The following HP1BP3 variants were observed in gnomAD, a reference collection of about 807,000 sequenced individuals.
The protein encoded by HP1BP3 is heterochromatin protein 1-binding protein 3.
HP1BP3 carries 12 observed loss-of-function variants against 62.5 expected under a neutral mutation model. The ratio of observed to expected loss-of-function variants is 0.19; its 90% CI spans 0.12 to 0.31. HP1BP3 has a LOEUF of 0.31. Among genes scored for constraint, HP1BP3 ranks in the 10% least tolerant of loss-of-function variants. The probability of loss-of-function intolerance (pLI) is 1.00; values close to 1 mark genes in which losing one functional copy is unlikely to be tolerated. For missense variants in HP1BP3, 502 were observed against 651.8 expected (o/e 0.77, Z 2.50); for synonymous variants, 260 against 237.8 (o/e 1.09, Z -0.86).
chr1:20,763,995 A>C (rs2056629913), intron 8 of HP1BP3, among the ~76,000 whole-genome samples: 1 of 152,058 alleles, frequency 6.6e-6, no homozygotes, highest in Non-Finnish European at 1.5e-5. Context: ...CCCAGCCTAA[A>C]AGTACATTTT....
rs1430009280 is a variant in HP1BP3, at chr1:20,771,026, G to A, written c.558C>T (p.Tyr186=). Residue 186 remains tyrosine, a synonymous_variant, in exon 6 of 13, where the codon TAC becomes TAT. Transcript: ENST00000438032. ...CCAGAGAAGGATACTTATGGATGAT[G>A]TATTTTCGAATAGCAACCACTGATG... ...SGASVVAIRK[Y]IIHKYPSLEL... 1.2e-6 allele frequency: 2 copies of A among 1,610,216 alleles called. No individual in the cohort carries two copies. The highest frequency in any genetic ancestry group is 8.5e-7 in the Non-Finnish European group (1 of 1,178,096).
intron 4 of HP1BP3, 80 bp from the exon 5 acceptor site, chr1:20,773,690 G>A (rs2057164034): frequency 1.0e-6 from 1 of 978,452 alleles, no homozygotes; most frequent in African/African-American, 1.7e-5. Flanking sequence ...AAAGACCAGG[G>A]AGGGATAAAA....
intron 3 of HP1BP3, among the ~76,000 whole-genome samples, chr1:20,777,863 C>CT (rs1280584138): frequency 6.6e-6 from 1 of 152,238 alleles, no homozygotes; most frequent in Non-Finnish European, 1.5e-5. Context: ...TTGGAATTCT[C>CT]TGCTTCTAGA....
At chr1:20,781,298 G>A (rs1041087953) in intron 1 of HP1BP3, among the ~76,000 whole-genome samples, 5 of 151,892 alleles carry the variant, frequency 3.3e-5, no homozygotes, top group African/African-American at 9.7e-5. Flanking sequence ...TAAGTATCTA[G>A]ATCTCTGTGC....
chr1:20,765,834 C>T lies in HP1BP3; in HGVS notation c.736-303G>A, dbSNP rs139912598. Among the ~76,000 whole-genome samples, 6 of 151,718 alleles carry T rather than the reference C, an allele frequency of 4.0e-5. No homozygotes were observed. In the East Asian group the frequency reaches 1.2e-3, roughly 29 times the overall value. On this transcript the variant is annotated intron_variant, in intron 7 of 12. Transcript: ENST00000438032. ...AAAAATACAAAAATTAGCCAGACGT[C>T]GTAGCCTGTAATCCCAGATACTTGG... is the stretch of plus-strand genomic sequence containing the variant.
At chr1:20,770,370 G>A (rs2057002010) in intron 6 of HP1BP3, among the ~76,000 whole-genome samples, 1 of 152,166 alleles carries the variant, frequency 6.6e-6, no homozygotes, top group African/African-American at 2.4e-5. Flanking sequence ...ACCGAGGCTG[G>A]AGTGGTGAGA....
At chr1:20,748,543 G>C (rs1026811368) in intron 10 of HP1BP3, among the ~76,000 whole-genome samples, 2 of 152,208 alleles carry the variant, frequency 1.3e-5, no homozygotes, top group Non-Finnish European at 2.9e-5. Flanking sequence ...TAAGGAGATT[G>C]AGATCATCTT....
At chr1:20,758,204 T>C (rs1289209661) in intron 8 of HP1BP3, among the ~76,000 whole-genome samples, 3 of 152,156 alleles carry the variant, frequency 2.0e-5, no homozygotes, top group African/African-American at 7.2e-5. Flanking sequence ...TAGAATCCTA[T>C]TTAGCATGCT....
At chr1:20,747,507 TA>T (rs1557634826) in intron 11 of HP1BP3, 36 bp downstream of exon 11, 12 of 1,271,190 alleles carry the variant, frequency 9.4e-6, no homozygotes, top group East Asian at 2.3e-5. Context: ...ACTTAGACTA[TA>T]AATTTACAGT....
chr1:20,785,936 G>A (rs541877846), intron 1 of HP1BP3, among the ~76,000 whole-genome samples: 2 of 152,284 alleles, frequency 1.3e-5, no homozygotes, highest in South Asian at 2.1e-4. Context: ...TTCACTCTAA[G>A]ACAAGACAGC....
At chr1:20,750,264 T>TTAAG (rs1249276763) in intron 9 of HP1BP3, 1 of 138,456 alleles carries the variant, frequency 7.2e-6, no homozygotes, top group Non-Finnish European at 1.6e-5. Flanking sequence ...GGCAGATCAC[T>TTAAG]TAAGGCCAGG....
intron 11 of HP1BP3, 33 bp downstream of exon 11, chr1:20,747,510 AT>A (rs773770026): frequency 1.6e-6 from 2 of 1,286,900 alleles, no homozygotes; most frequent in South Asian, 1.3e-5. Context: ...TAGACTATAA[AT>A]TTACAGTGAT....
chr1:20,776,891 T>A, intron 3 of HP1BP3, 141 bp from the exon 4 acceptor site: 1 of 632,136 alleles, frequency 1.6e-6, no homozygotes, highest in Non-Finnish European at 2.5e-6. Flanking sequence ...GAATGACCAC[T>A]AATGCAGTTT....
chr1:20,770,522 C>T (rs2057009779), intron 6 of HP1BP3, among the ~76,000 whole-genome samples: 1 of 151,990 alleles, frequency 6.6e-6, no homozygotes. Flanking sequence ...GCTATGTTGC[C>T]CAGGCTGGTC....
At chr1:20,783,023 G>T (rs1349794835) in intron 1 of HP1BP3, among the ~76,000 whole-genome samples, 1 of 123,286 alleles carries the variant, frequency 8.1e-6, no homozygotes, top group African/African-American at 3.1e-5. Context: ...GAGATGGGAG[G>T]ACTGCCAGTG....
At chr1:20,771,209 T>C in intron 5 of HP1BP3, 136 bp from the exon 6 acceptor site, 1 of 664,240 alleles carries the variant, frequency 1.5e-6, no homozygotes, top group Non-Finnish European at 2.6e-6. Flanking sequence ...TTCAGAAGAC[T>C]TCAGTTCATA....
chr1:20,762,056 GA>G (rs2056513838), intron 8 of HP1BP3, among the ~76,000 whole-genome samples: 1 of 152,222 alleles, frequency 6.6e-6, no homozygotes, highest in African/African-American at 2.4e-5. Flanking sequence ...TACCAGTATA[GA>G]CAACTTACAC....
At chr1:20,749,965 G>T (rs1386770986) in intron 9 of HP1BP3, 83 bp from the exon 10 acceptor site, 1 of 1,530,244 alleles carries the variant, frequency 6.5e-7, no homozygotes, top group Non-Finnish European at 8.8e-7. Context: ...GCACCAGGTG[G>T]GTCGGAGTTC....
intron 8 of HP1BP3, among the ~76,000 whole-genome samples, chr1:20,762,102 T>C (rs1370540277): frequency 6.6e-6 from 1 of 152,214 alleles, no homozygotes; most frequent in Non-Finnish European, 1.5e-5. Flanking sequence ...CTCTTTTGTT[T>C]GGCCAAGCAA....
Sources: allele counts gnomAD v4.1 joint callset (sites outside exome capture counted in the v4.1 genomes callset), GRCh38; gene constraint gnomAD v4.1.1; transcripts MANE v1.5; gene names NCBI Gene and HGNC (gene_info 2026-07-23, HGNC 2026-07-21).